TOP3B: variants seen among roughly 807,000 people sequenced by gnomAD.
TOP3B encodes DNA topoisomerase 3-beta-1.
A neutral mutation model predicts 93.9 loss-of-function variants in TOP3B; 45 were observed. The ratio of observed to expected loss-of-function variants is 0.48; its 90% CI spans 0.38 to 0.61. The LOEUF (loss-of-function observed/expected upper bound fraction) is 0.61, where lower values mean the gene tolerates loss of function less well. Ranked by LOEUF, TOP3B falls within the 20% of genes least tolerant of loss-of-function variation. The probability of loss-of-function intolerance (pLI) is 0.00; values close to 1 mark genes in which losing one functional copy is unlikely to be tolerated. For missense variants in TOP3B, 750 were observed against 1,156.1 expected (o/e 0.65, Z 5.09); for synonymous variants, 357 against 472.6 (o/e 0.76, Z 3.17).
chr22:21,964,413 C>G (rs1400120674), intron 9 of TOP3B, 98 bp from the exon 10 acceptor site: 1 of 1,462,414 alleles, frequency 6.8e-7, no homozygotes, highest in Non-Finnish European at 9.3e-7. Flanking sequence ...GTGGCCGGCC[C>G]CTCCTGGAGG....
chr22:21,979,481 G>A (rs1291187173), intron 1 of TOP3B, among the ~76,000 whole-genome samples: 2 of 152,088 alleles, frequency 1.3e-5, no homozygotes, highest in Non-Finnish European at 1.5e-5. Flanking sequence ...TGTGGACTCT[G>A]AGTCCCCAGG....
chr22:21,974,081 A>G (rs914117386), intron 3 of TOP3B: 2 of 302,052 alleles, frequency 6.6e-6, no homozygotes, highest in Non-Finnish European at 1.3e-5. Flanking sequence ...GCCCTTCCTA[A>G]GATAGGTGCT....
chr22:21,962,270 G>T (rs758096943), intron 13 of TOP3B, 159 bp downstream of exon 13: 1 of 1,583,838 alleles, frequency 6.3e-7, no homozygotes. Context: ...CTGTGGACCT[G>T]CCTGGCTGGC....
chr22:21,968,768 T>A lies in TOP3B; in HGVS notation c.589A>T (p.Thr197Ser). 1 of 1,614,136 alleles carries A rather than the reference T, an allele frequency of 6.2e-7. No homozygotes were observed. Among genetic ancestry groups the A allele is most frequent in the Non-Finnish European group, 8.5e-7 (1 of 1,180,000 alleles). Reference protein sequence around the residue: ...RIGCAFTRFQTKYFQGKYGDL... With the variant: ...RIGCAFTRFQSKYFQGKYGDL... ...CCGTATTTCCCCTGGAAATATTTAG[T>A]CTGAAACCTGGAGGGAGTGGAAAGA... is the stretch of plus-strand genomic sequence containing the variant. Residue 197 changes from threonine (T) to serine (S), a missense_variant, in exon 7 of 18, where the codon ACT (threonine) becomes TCT (serine). By Grantham distance (58) the Thr-to-Ser change is moderately conservative. This residue lies in a region of TOP3B where 737 missense variants were observed against 933.7 expected (regional missense o/e 0.79). Coordinates refer to ENST00000357179, the MANE Select transcript of TOP3B (RefSeq NM_001282112.2).
In TOP3B at chr22:21,974,337, T is replaced by C. The variant is rs769226864; in HGVS notation, c.202+20A>G. ...CCATGCAGAACTCCCTTCAGTAGGA[T>C]GGAGGGTAGAGGGGCTTACCCAGGA... On this transcript the variant is annotated intron_variant, in intron 3 of 17. Coordinates refer to ENST00000357179, the MANE Select transcript of TOP3B (RefSeq NM_001282112.2). 6.2e-7 allele frequency: 1 copy of C among 1,609,690 alleles called. No individual in the cohort carries two copies. Among genetic ancestry groups the C allele is most frequent in the Non-Finnish European group, 8.5e-7 (1 of 1,176,918 alleles).
Position 21,963,978 on chromosome 22 carries a change from G to A in TOP3B, c.1149C>T (p.Asp383=), listed in dbSNP as rs775905616. ...GGGTGATGGGGGGATGGTCGCCGGC[G>A]TCATGGCCTTTCCGCGGGCGGTTGA... ...EGINRPRKGH[D]AGDHPPITPM... is the part of the protein sequence containing the mutation. Residue 383 remains aspartate, a synonymous_variant, in exon 11 of 18, where the codon GAC becomes GAT. Transcript: ENST00000357179. The surrounding 1 kb of genome is among the most constrained non-coding windows in gnomAD (Gnocchi z 4.8). 1.2e-5 allele frequency: 19 copies of A among 1,612,878 alleles called. No individual in the cohort carries two copies. The highest frequency in any genetic ancestry group is 2.7e-5 in the African/African-American group (2 of 75,050).
At chr22:21,974,309 G>C in intron 3 of TOP3B, 48 bp downstream of exon 3, 1 of 1,588,638 alleles carries the variant, frequency 6.3e-7, no homozygotes, top group Non-Finnish European at 8.6e-7. Context: ...ACCCTGGCCA[G>C]TGCCATGCAG....
At chr22:21,967,158 C>T (rs980608281) in intron 8 of TOP3B, 7 of 176,558 alleles carry the variant, frequency 4.0e-5, no homozygotes, top group Admixed American at 2.7e-4. Context: ...AAACATAATC[C>T]CATAAAAGCA....
At position 21,970,130 on chromosome 22, in the gene TOP3B, C is replaced by G. The variant is rs551528444; in HGVS notation, c.581+80G>C. On this transcript the variant is annotated intron_variant, in intron 6 of 17. Coordinates refer to ENST00000357179, the MANE Select transcript of TOP3B (RefSeq NM_001282112.2). The surrounding 1 kb of genome is among the most constrained non-coding windows in gnomAD (Gnocchi z 4.4). ...CTGGCTCGAGGAGGCCTAGGGGCCC[C>G]GGAGGGGGACCAGTAGAGGCAGGTC... The G allele has an allele frequency of 1.0e-5, 16 of 1,541,584 alleles. No individual in the cohort carries two copies. In the East Asian group the frequency reaches 3.2e-4, roughly 31 times the overall value.
At chr22:21,962,975 G>A in intron 11 of TOP3B, 82 bp from the exon 12 acceptor site, 1 of 1,528,344 alleles carries the variant, frequency 6.5e-7, no homozygotes, top group Non-Finnish European at 9.0e-7. Context: ...CGCTCGAGCA[G>A]CAAGCTCCTG....
rs770547526 is a variant in TOP3B, at chr22:21,974,320, A to G, written c.202+37T>C. On this transcript the variant is annotated intron_variant, in intron 3 of 17. Transcript: ENST00000357179. ...CTGGACCCTGGCCAGTGCCATGCAGAACTCCCTTCAGTAGGATGGAGGGTA... is the reference window on the plus strand; with the variant it reads ...CTGGACCCTGGCCAGTGCCATGCAGGACTCCCTTCAGTAGGATGGAGGGTA... The G allele has an allele frequency of 5.6e-6, 9 of 1,599,064 alleles. No homozygotes were observed. In the South Asian group the frequency reaches 1.0e-4, roughly 18 times the overall value.
At chr22:21,958,955 A>G (rs2071046235) in intron 16 of TOP3B, 177 bp downstream of exon 16, 3 of 1,081,416 alleles carry the variant, frequency 2.8e-6, no homozygotes, top group Non-Finnish European at 3.9e-6. Flanking sequence ...GCGTGGCCTA[A>G]TGGCTGTGTA....
In TOP3B at chr22:21,971,906, C is replaced by CGCAGTCCAGCCACAGCACGATGTA. The variant is rs748599895; in HGVS notation, c.331_354dup (p.Tyr111_Cys118dup). 1 of 1,613,996 alleles carries CGCAGTCCAGCCACAGCACGATGTA rather than the reference C, an allele frequency of 6.2e-7. No homozygotes were observed. The highest frequency in any genetic ancestry group is 8.5e-7 in the Non-Finnish European group (1 of 1,179,990). On this transcript the variant is annotated inframe_insertion, in exon 5 of 18. Coordinates refer to ENST00000357179, the MANE Select transcript of TOP3B (RefSeq NM_001282112.2). This position sits in a 1 kb window ranked among gnomAD's most constrained non-coding sequence, Gnocchi z 4.6. The stretch of plus-strand genomic sequence containing the variant: ...AAGCAGATGTTCTCCCCCTCCTTGT[C>CGCAGTCCAGCCACAGCACGATGTA]GCAGTCCAGCCACAGCACGATGTAG...
chr22:21,981,171 A>G (rs2084623453), intron 1 of TOP3B, among the ~76,000 whole-genome samples: 1 of 152,236 alleles, frequency 6.6e-6, no homozygotes, highest in African/African-American at 2.4e-5. Flanking sequence ...GCCACAGAGT[A>G]GTCAGCAATT....
In TOP3B at chr22:21,960,390, C is replaced by A; in HGVS notation, c.1585G>T (p.Val529Leu). The A allele has an allele frequency of 6.2e-7, 1 of 1,613,768 alleles. No individual in the cohort carries two copies. The highest frequency in any genetic ancestry group is 8.5e-7 in the Non-Finnish European group (1 of 1,180,004). The change falls in exon 14 of 18, where the codon GTG becomes TTG. Residue 529 changes from valine (V) to leucine (L), a missense_variant. Coordinates refer to ENST00000357179, the MANE Select transcript of TOP3B (RefSeq NM_001282112.2). ...NNICQRNYVT[V>L]ESGRRLKPTN... ...GGCTTGAGCCGGCGCCCGCTCTCCA[C>A]CGTGACATAGTTGCGCTGGCAGATG...
Position 21,970,947 on chromosome 22 carries a change from A to C in TOP3B, c.385-541T>G, listed in dbSNP as rs1012602002. The C allele has an allele frequency of 3.1e-5, 36 of 1,176,760 alleles. No individual in the cohort carries two copies. In the Middle Eastern group the frequency reaches 9.6e-4, roughly 31 times the overall value. 72.9% of individuals were successfully genotyped at this position (1,176,760 alleles called of 1,614,324 possible). A position where few individuals can be genotyped will look rare whatever the true frequency, so the allele number is the denominator to read the frequency against. On this transcript the variant is annotated intron_variant, in intron 5 of 17. Transcript: ENST00000357179. This position sits in a 1 kb window ranked among gnomAD's most constrained non-coding sequence, Gnocchi z 4.4. ...CTTGTGGTGGGGGCAGCTCGGGCTA[A>C]AGCACAGCAGGGGTCCTGGAGCCGA...
intron 8 of TOP3B, chr22:21,965,637 C>T (rs957699431): frequency 6.2e-5 from 14 of 225,320 alleles, no homozygotes; most frequent in Middle Eastern, 1.5e-3. Flanking sequence ...GAGGCTGAGG[C>T]GGGTGGATCA....
intron 9 of TOP3B, 181 bp downstream of exon 9, chr22:21,965,104 G>A (rs550693832): frequency 2.8e-5 from 12 of 430,476 alleles, no homozygotes; most frequent in African/African-American, 1.8e-4. Flanking sequence ...AACATCAGGA[G>A]GTCCCCTCAG....
At chr22:21,968,958 T>A (rs907536662) in intron 6 of TOP3B, 183 bp from the exon 7 acceptor site, 1 of 612,492 alleles carries the variant, frequency 1.6e-6, no homozygotes. Context: ...TGTGTGTACA[T>A]GGGTGACAGA....
Sources: gnomAD v4.1 joint callset for allele counts (sites outside exome capture counted in the v4.1 genomes callset) on GRCh38, gnomAD v4.1.1 for gene constraint, gnomAD v4.1.1 regional missense constraint, Gnocchi (gnomAD v3.1) non-coding constraint, MANE v1.5 for transcripts, NCBI Gene and HGNC (gene_info 2026-07-23, HGNC 2026-07-21) for gene names.